The following STPG2 variants were observed in gnomAD, a reference collection of about 807,000 sequenced individuals.
The protein encoded by STPG2 is sperm-tail PG-rich repeat-containing protein 2.
In STPG2, 56 loss-of-function variants were observed where a neutral mutation model predicts 54.2. The observed-to-expected ratio is 1.03, with a 90% CI of 0.83 to 1.29. The LOEUF (loss-of-function observed/expected upper bound fraction) is 1.29, where lower values mean the gene tolerates loss of function less well. STPG2 is among the 50% of genes most tolerant of loss of function. The pLI, the probability that STPG2 is intolerant of heterozygous loss-of-function variation, is 0.00. For synonymous variants in STPG2, 200 were observed against 181.8 expected, an observed-to-expected ratio of 1.10 and a Z score of -0.81; for missense variants, 596 against 544.9, an observed-to-expected ratio of 1.09 and a Z score of -0.93.
rs62315839 is a variant in STPG2 at position 97,445,687 on chromosome 4, C to T, written c.463-257854G>A. Among the ~76,000 whole-genome samples, 825 of 152,204 alleles carry T rather than the reference C, an allele frequency of 5.4e-3. 5 individuals are homozygous for T. The highest frequency in any genetic ancestry group is 0.051 in the Middle Eastern group (15 of 294). The stretch of plus-strand genomic sequence containing the variant: ...GGCTAGTGGCTACCATCATGGACAG[C>T]AATAGTCTATGGCATGAATAAACTG... On this transcript the variant is annotated intron_variant, in intron 4 of 4. Coordinates refer to the STPG2 transcript ENST00000522676.
intron 10 of STPG2, among the ~76,000 whole-genome samples, chr4:97,623,085 C>G (rs1041638207): frequency 6.6e-6 from 1 of 151,934 alleles, no homozygotes; most frequent in Non-Finnish European, 1.5e-5. Context: ...AAAACTGGAC[C>G]CTTTCATACA....
Position 97,464,809 on chromosome 4 carries a change from C to A in STPG2, c.462+247890G>T, listed in dbSNP as rs547345472. On this transcript the variant is annotated intron_variant, in intron 4 of 4. Transcript: ENST00000522676. ...TATTTGCAAGAAATCTAAATGTATT[C>A]TTGCATAGGTATATATCAACAGTCA... is the stretch of plus-strand genomic sequence containing the variant. Among the ~76,000 whole-genome samples, 13 of 152,186 alleles carry A rather than the reference C, an allele frequency of 8.5e-5. No homozygotes were observed. In the East Asian group the frequency reaches 1.5e-3, roughly 18 times the overall value.
chr4:97,665,252 C>T (rs1384517949), intron 10 of STPG2, among the ~76,000 whole-genome samples: 2 of 152,164 alleles, frequency 1.3e-5, no homozygotes, highest in Non-Finnish European at 2.9e-5. Context: ...GCTCTTTCAG[C>T]CTCACCATTC....
intron 8 of STPG2, among the ~76,000 whole-genome samples, chr4:97,914,877 A>G (rs1450072927): frequency 5.3e-5 from 8 of 152,110 alleles, no homozygotes; most frequent in Non-Finnish European, 1.0e-4. Context: ...TATGAATTTC[A>G]CTACTCTAGG....
intron 10 of STPG2, among the ~76,000 whole-genome samples, chr4:97,619,727 C>A (rs1733962592): frequency 6.6e-6 from 1 of 152,036 alleles, no homozygotes; most frequent in Non-Finnish European, 1.5e-5. Flanking sequence ...TCGAATACCC[C>A]TTGAAGTTCT....
At chr4:97,962,276 G>GATGC (rs748885073) in intron 7 of STPG2, among the ~76,000 whole-genome samples, 15 of 151,998 alleles carry the variant, frequency 9.9e-5, no homozygotes, top group Admixed American at 5.9e-4. Flanking sequence ...TGGGATGATG[G>GATGC]ATGCACCAAA....
At chr4:98,129,958 A>C (rs1277501657) in intron 2 of STPG2, among the ~76,000 whole-genome samples, 4 of 151,792 alleles carry the variant, frequency 2.6e-5, no homozygotes, top group Admixed American at 6.6e-5. Context: ...CCTGGGTTCA[A>C]GCGATTCTCC....
chr4:97,866,638 G>A (rs978869279), intron 8 of STPG2, among the ~76,000 whole-genome samples: 4 of 151,836 alleles, frequency 2.6e-5, no homozygotes, highest in Non-Finnish European at 5.9e-5. Flanking sequence ...TTTGGTATGT[G>A]TGATACAGAA....
chr4:98,073,386 T>C (rs1413845544), intron 5 of STPG2, among the ~76,000 whole-genome samples: 2 of 152,034 alleles, frequency 1.3e-5, no homozygotes, highest in Non-Finnish European at 2.9e-5. Context: ...ATCACAGCAG[T>C]GTTCATAACA....
At chr4:97,601,001 A>C (rs1304902782) in intron 10 of STPG2, among the ~76,000 whole-genome samples, 1 of 152,106 alleles carries the variant, frequency 6.6e-6, no homozygotes, top group Non-Finnish European at 1.5e-5. Context: ...CAGAAGAAGA[A>C]ATAGAAGGGA....
chr4:97,708,896 A>C (rs1315385537), intron 10 of STPG2, among the ~76,000 whole-genome samples: 1 of 151,766 alleles, frequency 6.6e-6, no homozygotes, highest in East Asian at 1.9e-4. Context: ...TTTCTAAATA[A>C]ATTCCTTTAT....
At chr4:97,992,665 T>C (rs967258731) in intron 5 of STPG2, among the ~76,000 whole-genome samples, 4 of 152,170 alleles carry the variant, frequency 2.6e-5, no homozygotes, top group African/African-American at 7.2e-5. Context: ...GAGAATTGCA[T>C]TGAATCTGTA....
At chr4:97,887,151 T>C (rs919811291) in intron 8 of STPG2, among the ~76,000 whole-genome samples, 3 of 152,030 alleles carry the variant, frequency 2.0e-5, no homozygotes, top group Non-Finnish European at 4.4e-5. Flanking sequence ...ATACAGAAAA[T>C]TGGAACCAGA....
chr4:97,658,707 A>G (rs1722288836), intron 10 of STPG2, among the ~76,000 whole-genome samples: 1 of 152,218 alleles, frequency 6.6e-6, no homozygotes. Flanking sequence ...TGTTGCAAGG[A>G]GTACTTGATT....
At chr4:97,969,461 G>C (rs1387311567) in intron 7 of STPG2, among the ~76,000 whole-genome samples, 1 of 152,106 alleles carries the variant, frequency 6.6e-6, no homozygotes, top group South Asian at 2.1e-4. Flanking sequence ...CATATCCAGT[G>C]CATTGGCAGC....
chr4:97,995,114 TC>T (rs549295649), intron 5 of STPG2, among the ~76,000 whole-genome samples: 281 of 151,680 alleles, frequency 1.9e-3, no homozygotes, highest in African/African-American at 6.7e-3. Flanking sequence ...CTCACCCTAC[TC>T]CCCCATGCTG....
intron 7 of STPG2, among the ~76,000 whole-genome samples, chr4:97,970,761 A>G (rs1734297193): frequency 6.6e-6 from 1 of 152,242 alleles, no homozygotes; most frequent in South Asian, 2.1e-4. Flanking sequence ...CAAGGACTTC[A>G]TGTCTAAAAC....
chr4:97,846,448 A>G (rs1728952237), intron 8 of STPG2, among the ~76,000 whole-genome samples: 1 of 151,884 alleles, frequency 6.6e-6, no homozygotes, highest in Non-Finnish European at 1.5e-5. Flanking sequence ...AACATGGTGA[A>G]ACCCCATCTC....
intron 9 of STPG2, among the ~76,000 whole-genome samples, chr4:97,753,855 G>C (rs919777002): frequency 6.6e-6 from 1 of 151,798 alleles, no homozygotes; most frequent in African/African-American, 2.4e-5. Flanking sequence ...CTTAAATTGG[G>C]TTGTTTTTGT....
Sources: gnomAD v4.1 joint callset for allele counts (sites outside exome capture counted in the v4.1 genomes callset) on GRCh38, gnomAD v4.1.1 for gene constraint, MANE v1.5 for transcripts, NCBI Gene and HGNC (gene_info 2026-07-23, HGNC 2026-07-21) for gene names.